The following USP6 variants were observed in gnomAD, a reference collection of about 807,000 sequenced individuals.
USP6 encodes ubiquitin specific peptidase 6.
In USP6, 128 loss-of-function variants were observed where a neutral mutation model predicts 175.7. That is an observed-to-expected ratio of 0.73 (90% CI 0.63 to 0.84). The LOEUF (loss-of-function observed/expected upper bound fraction) is 0.84, where lower values mean the gene tolerates loss of function less well. USP6 is among the 40% of genes least tolerant of loss of function. The pLI is 0.00. For missense variants in USP6, 1,498 were observed against 1,760.3 expected (o/e 0.85, Z 2.67); for synonymous variants, 562 against 630.6 (o/e 0.89, Z 1.63).
intron 37 of USP6, 83 bp from the exon 38 acceptor site, chr17:5,172,722 A>AG (rs2074253729): frequency 1.3e-6 from 2 of 1,561,274 alleles, no homozygotes; most frequent in South Asian, 2.4e-5. Context: ...GTAATTACAG[A>AG]GGGTTGGTCT....
At position 5,145,569 on chromosome 17, in the gene USP6, A is replaced by C. The variant is rs1460641404; in HGVS notation, c.2157A>C (p.Leu719Phe). The C allele has an allele frequency of 6.3e-7, 1 of 1,590,014 alleles. No individual in the cohort carries two copies. Residue 719 changes from leucine (L) to phenylalanine (F), a missense_variant, in exon 27 of 38, where the codon TTA becomes TTC. This residue lies in a region of USP6 where 1,217 missense variants were observed against 1,500.8 expected (regional missense o/e 0.81). Transcript: ENST00000574788. ...TACCAATGGACAGTTACATGGACTT[A>C]GAAATAACAGGTAGGTCACAAAGTT... ...LPLPMDSYMD[L>F]EITVIKLDGT... is the part of the protein sequence containing the mutation.
chr17:5,152,403 A>G (rs1035326411), intron 30 of USP6, among the ~76,000 whole-genome samples: 1 of 152,142 alleles, frequency 6.6e-6, no homozygotes, highest in Admixed American at 6.5e-5. Context: ...TGATGAGAAT[A>G]TAAATTAATA....
At position 5,132,432 on chromosome 17, in the gene USP6, G is replaced by A. The variant is rs1240142927; in HGVS notation, c.192G>A (p.Ala64=). 8 of 1,612,122 alleles carry A rather than the reference G, an allele frequency of 5.0e-6. No individual in the cohort carries two copies. The highest frequency in any genetic ancestry group is 1.7e-5 in the Admixed American group (1 of 60,010). The change falls in exon 12 of 38, where the codon GCG becomes GCA. Residue 64 remains alanine, a synonymous_variant. Coordinates refer to ENST00000574788, the MANE Select transcript of USP6 (RefSeq NM_001304284.2). This position sits in a 1 kb window ranked among gnomAD's most constrained non-coding sequence, Gnocchi z 4.7. ...TGCCTCCTGTGACTGCACGGGAGGC[G>A]AAGGTAAGAGCCTGATGCGTGGAGG... is the stretch of plus-strand genomic sequence containing the variant. ...TELPPVTARE[A]KKIRREMTRT...
At chr17:5,161,139 T>C (rs1022317120) in intron 31 of USP6, among the ~76,000 whole-genome samples, 1 of 152,268 alleles carries the variant, frequency 6.6e-6, no homozygotes, top group African/African-American at 2.4e-5. Context: ...AATATACAGC[T>C]TTCTGCAATG....
chr17:5,122,690 C>A (rs1010954633), intron 4 of USP6, among the ~76,000 whole-genome samples: 3 of 152,202 alleles, frequency 2.0e-5, no homozygotes, highest in Non-Finnish European at 4.4e-5. Context: ...ACAAAAGCAG[C>A]TGCCCGCGCC....
intron 5 of USP6, among the ~76,000 whole-genome samples, 188 bp from the exon 6 acceptor site, chr17:5,125,633 C>G (rs2072860625): frequency 1.3e-5 from 2 of 150,802 alleles, no homozygotes; most frequent in African/African-American, 4.9e-5. Flanking sequence ...CACATCCTGT[C>G]CACTGTAACC....
In USP6 at chr17:5,142,112, C is replaced by A; in HGVS notation, c.1683C>A (p.Ile561=). 2 of 1,613,384 alleles carry A rather than the reference C, an allele frequency of 1.2e-6. No individual in the cohort carries two copies. The highest frequency in any genetic ancestry group is 1.1e-5 in the South Asian group (1 of 90,832). The change falls in exon 24 of 38, where the codon ATC becomes ATA. Residue 561 remains isoleucine, a synonymous_variant. Transcript: ENST00000574788. ...SNTQPLTQYF[I]SGRHLYELNR... The stretch of plus-strand genomic sequence containing the variant: ...CACAGCCACTGACACAGTATTTTAT[C>A]TCAGGGAGACATCTTTATGAACTCA...
Position 5,168,090 on chromosome 17 carries a change from G to A in USP6, c.3195G>A (p.Lys1065=), listed in dbSNP as rs778700053. The A allele has an allele frequency of 6.2e-7, 1 of 1,610,918 alleles. No homozygotes were observed. The highest frequency in any genetic ancestry group is 2.2e-5 in the East Asian group (1 of 44,856). The change falls in exon 34 of 38, where the codon AAG becomes AAA. Residue 1065 remains lysine (K), a synonymous_variant. Transcript: ENST00000574788. ...SKCKTHCLAT[K]KLDLWRLPPF... is the part of the protein sequence containing the mutation. The stretch of plus-strand genomic sequence containing the variant: ...GTAAGACCCACTGCTTAGCAACAAA[G>A]AAGCTGGATCTCTGGAGGCTTCCAC...
rs796261811 is a variant in USP6 at position 5,132,581 on chromosome 17, A to G, written c.195+146A>G. On this transcript the variant is annotated intron_variant, in intron 12 of 37. Coordinates refer to ENST00000574788, the MANE Select transcript of USP6 (RefSeq NM_001304284.2). The surrounding 1 kb of genome is among the most constrained non-coding windows in gnomAD (Gnocchi z 4.7). ...GAGGGGCAGCAGAGACCTGACCCCA[A>G]GTTGCTGTAACTTTGGCAGTTTGAT... is the stretch of plus-strand genomic sequence containing the variant. The G allele has an allele frequency of 5.0e-5, 74 of 1,486,314 alleles. No individual in the cohort carries two copies. Among genetic ancestry groups the G allele is most frequent in the Non-Finnish European group, 6.2e-5 (66 of 1,066,752 alleles). 92.1% of individuals were successfully genotyped at this position (1,486,314 alleles called of 1,614,324 possible). A position where few individuals can be genotyped will look rare whatever the true frequency, so the allele number is the denominator to read the frequency against.
chr17:5,128,666 C>T (rs1429316369), intron 7 of USP6: 1 of 152,590 alleles, frequency 6.6e-6, no homozygotes, highest in African/African-American at 2.4e-5. Flanking sequence ...TGCACAAACA[C>T]ATTGCAGGCA....
intron 22 of USP6, among the ~76,000 whole-genome samples, chr17:5,140,506 C>G (rs1420653807): frequency 1.3e-5 from 2 of 151,986 alleles, no homozygotes; most frequent in Non-Finnish European, 2.9e-5. Flanking sequence ...CCATGAGTTC[C>G]AAGAAGCAGT....
intron 3 of USP6, 21 bp downstream of exon 3, chr17:5,120,809 A>T: frequency 2.2e-6 from 1 of 451,952 alleles, no homozygotes; most frequent in Non-Finnish European, 4.4e-6. Context: ...ATATGTAAGC[A>T]GGTGTGCACA....
intron 31 of USP6, among the ~76,000 whole-genome samples, chr17:5,158,580 GGAGAGAGA>G (rs772325537): frequency 2.9e-5 from 3 of 104,168 alleles, no homozygotes; most frequent in East Asian, 3.3e-4. Flanking sequence ...AGAGAGAGAG[GGAGAGAGA>G]GAGAGAGAGA....
At chr17:5,140,142 C>A (rs1305024727) in intron 22 of USP6, among the ~76,000 whole-genome samples, 1 of 151,926 alleles carries the variant, frequency 6.6e-6, no homozygotes, top group Admixed American at 6.6e-5. Context: ...ACCACCTTCA[C>A]GTTTTGAAAT....
At chr17:5,143,999 G>C (rs1283498692) in intron 25 of USP6, among the ~76,000 whole-genome samples, 1 of 152,082 alleles carries the variant, frequency 6.6e-6, no homozygotes, top group Non-Finnish European at 1.5e-5. Flanking sequence ...ATCACATGTA[G>C]TAGATTTTGG....
At chr17:5,123,164 G>C (rs922356577) in intron 4 of USP6, 1 of 153,394 alleles carries the variant, frequency 6.5e-6, no homozygotes, top group East Asian at 1.9e-4. Flanking sequence ...GGGCGCGCGG[G>C]GGCGTCATGG....
Position 5,171,449 on chromosome 17 carries a change from G to A in USP6, c.3955-138G>A, listed in dbSNP as rs1265257194. On this transcript the variant is annotated intron_variant, in intron 36 of 37. Coordinates refer to ENST00000574788, the MANE Select transcript of USP6 (RefSeq NM_001304284.2). ...TTGCTTTTTGCTTATTTTGGTTTTAGAGAAAGAGGGTTCTAAAATATTTTC... is the reference window on the plus strand; with the variant it reads ...TTGCTTTTTGCTTATTTTGGTTTTAAAGAAAGAGGGTTCTAAAATATTTTC... The A allele has an allele frequency of 3.3e-5, 26 of 798,710 alleles. No homozygotes were observed. The East Asian group carries it at 6.7e-4, about 21-fold the overall frequency. The allele number at this position is 798,710 out of a possible 1,614,324, so 49.5% of individuals were successfully genotyped here. A position where few individuals can be genotyped will look rare whatever the true frequency, so the allele number is the denominator to read the frequency against.
At chr17:5,141,919 A>G in intron 23 of USP6, 84 bp from the exon 24 acceptor site, 1 of 1,515,656 alleles carries the variant, frequency 6.6e-7, no homozygotes, top group Non-Finnish European at 8.8e-7. Context: ...AGTTATAAAA[A>G]ATCTTTTCAT....
Position 5,137,297 on chromosome 17 carries a change from G to A in USP6, c.825+111G>A. 4 of 1,387,854 alleles carry A rather than the reference G, an allele frequency of 2.9e-6. No individual in the cohort carries two copies. In the Admixed American group the frequency reaches 6.9e-5, roughly 24 times the overall value. The allele number at this position is 1,387,854 out of a possible 1,614,324, so 86.0% of individuals were successfully genotyped here. A position where few individuals can be genotyped will look rare whatever the true frequency, so the allele number is the denominator to read the frequency against. Reference sequence around the variant, plus strand: ...CCCAGCCCACAGGAGGCTCAGGCGGGTCCCCGAAGGACACACAAGCAAAAC... The same window carrying A: ...CCCAGCCCACAGGAGGCTCAGGCGGATCCCCGAAGGACACACAAGCAAAAC... On this transcript the variant is annotated intron_variant, in intron 19 of 37. Coordinates refer to ENST00000574788, the MANE Select transcript of USP6 (RefSeq NM_001304284.2).
Sources: allele counts gnomAD v4.1 joint callset (sites outside exome capture counted in the v4.1 genomes callset), GRCh38; gene constraint gnomAD v4.1.1; regional missense constraint gnomAD v4.1.1; non-coding constraint Gnocchi (gnomAD v3.1); transcripts MANE v1.5; gene names NCBI Gene and HGNC (gene_info 2026-07-23, HGNC 2026-07-21).